Variants in GUCY1A2 observed in about 807,000 individuals in gnomAD.
GUCY1A2 encodes the protein guanylate cyclase soluble subunit alpha-2.
GUCY1A2 carries 27 observed loss-of-function variants against 63.5 expected under a neutral mutation model. The ratio of observed to expected loss-of-function variants is 0.43; its 90% CI spans 0.31 to 0.59. The LOEUF (loss-of-function observed/expected upper bound fraction) is 0.59. Ranked by LOEUF, GUCY1A2 falls within the 20% of genes least tolerant of loss-of-function variation. The pLI is 0.11. For missense variants in GUCY1A2, 768 were observed against 913.3 expected (o/e 0.84, Z 2.05); for synonymous variants, 364 against 343.5 (o/e 1.06, Z -0.66).
At chr11:106,741,349 G>A (rs1017329730) in intron 6 of GUCY1A2, among the ~76,000 whole-genome samples, 9 of 152,168 alleles carry the variant, frequency 5.9e-5, no homozygotes, top group Non-Finnish European at 1.3e-4. Flanking sequence ...CATGTGGCTA[G>A]TGGCTACCAT....
At chr11:106,973,750 C>T (rs1378060797) in intron 3 of GUCY1A2, among the ~76,000 whole-genome samples, 1 of 152,048 alleles carries the variant, frequency 6.6e-6, no homozygotes. Context: ...AGTTAGTTAA[C>T]CTTGCAAAGT....
At chr11:106,812,664 TATTA>T (rs199561530) in intron 4 of GUCY1A2, among the ~76,000 whole-genome samples, 1,952 of 152,066 alleles carry the variant, frequency 0.013, 25 homozygotes, top group South Asian at 0.048. Context: ...GCATTTTAAA[TATTA>T]ATTTATAAAA....
At chr11:106,996,079 C>T (rs1861530807) in intron 1 of GUCY1A2, among the ~76,000 whole-genome samples, 2 of 152,172 alleles carry the variant, frequency 1.3e-5, no homozygotes, top group African/African-American at 4.8e-5. Flanking sequence ...AATGCACTAA[C>T]TCGAACAGTA....
At chr11:106,988,049 C>T (rs750146622) in intron 1 of GUCY1A2, among the ~76,000 whole-genome samples, 1 of 152,178 alleles carries the variant, frequency 6.6e-6, no homozygotes, top group Non-Finnish European at 1.5e-5. Flanking sequence ...CAGACTGGCA[C>T]AAATGTTTCT....
Position 107,018,041 on chromosome 11 carries a change from C to A in GUCY1A2, c.15G>T (p.Lys5Asn). 1 of 1,470,018 alleles carries A rather than the reference C, an allele frequency of 6.8e-7. No individual in the cohort carries two copies. Among genetic ancestry groups the A allele is most frequent in the Non-Finnish European group, 9.1e-7 (1 of 1,099,336 alleles). 91.1% of individuals were successfully genotyped at this position (1,470,018 alleles called of 1,614,324 possible). Residue 5 changes from lysine (K) to asparagine (N), a missense_variant, in exon 1 of 8, where the codon AAG (lysine) becomes AAT (asparagine). Physicochemically the swap from Lys to Asn is moderately conservative, Grantham distance 94. Coordinates refer to ENST00000526355, the MANE Select transcript of GUCY1A2 (RefSeq NM_000855.3). The stretch of plus-strand genomic sequence containing the variant: ...GGGAGCTGAAGGACTCGGACGAAAT[C>A]TTCCTTCGAGACATGCTGCCGGCGG... MSRRKISSESFSSLG... is the reference protein window; with the variant it reads MSRRNISSESFSSLG...
chr11:106,944,062 G>T (rs1050698542), intron 3 of GUCY1A2, among the ~76,000 whole-genome samples: 6 of 151,030 alleles, frequency 4.0e-5, no homozygotes, highest in African/African-American at 4.9e-5. Flanking sequence ...ACAAAAATTA[G>T]CAGGGCATGG....
At chr11:106,856,465 T>C (rs924516115) in intron 4 of GUCY1A2, among the ~76,000 whole-genome samples, 1 of 152,016 alleles carries the variant, frequency 6.6e-6, no homozygotes, top group Non-Finnish European at 1.5e-5. Context: ...GTTTTGGCAA[T>C]CTTATTTTCC....
chr11:106,687,203 AATAT>A lies in GUCY1A2; in HGVS notation c.*342_*345del. ...AAAACTGGCTCTCAAAAGTGGTACA[AATAT>A]ATAGGGAAAGATACTTGTATGTGTG... On this transcript the variant is annotated 3_prime_UTR_variant, in exon 8 of 8. Coordinates refer to ENST00000526355, the MANE Select transcript of GUCY1A2 (RefSeq NM_000855.3). The A allele has an allele frequency of 3.9e-6, 1 of 258,698 alleles. No homozygotes were observed. Among genetic ancestry groups the A allele is most frequent in the Non-Finnish European group, 7.5e-6 (1 of 134,174 alleles). The allele number at this position is 258,698 out of a possible 1,614,324, so 16.0% of individuals were successfully genotyped here. A position where few individuals can be genotyped will look rare whatever the true frequency, so the allele number is the denominator to read the frequency against.
At chr11:106,820,209 A>T (rs909569721) in intron 4 of GUCY1A2, among the ~76,000 whole-genome samples, 2 of 152,082 alleles carry the variant, frequency 1.3e-5, no homozygotes, top group Non-Finnish European at 2.9e-5. Context: ...AGGGCTATTT[A>T]TTTTTTAAAA....
intron 4 of GUCY1A2, among the ~76,000 whole-genome samples, chr11:106,888,191 G>T (rs1404829487): frequency 6.6e-6 from 1 of 152,058 alleles, no homozygotes; most frequent in Non-Finnish European, 1.5e-5. Flanking sequence ...GGGCACGGTG[G>T]CTCACGCCTG....
intron 2 of GUCY1A2, among the ~76,000 whole-genome samples, chr11:106,984,924 C>T (rs1861382345): frequency 6.6e-6 from 1 of 152,158 alleles, no homozygotes; most frequent in African/African-American, 2.4e-5. Context: ...CCTAGAACTA[C>T]ACTCTTGAGG....
intron 6 of GUCY1A2, among the ~76,000 whole-genome samples, chr11:106,764,338 C>T (rs552358940): frequency 1.5e-4 from 23 of 152,118 alleles, no homozygotes; most frequent in African/African-American, 5.5e-4. Context: ...TTAATACATT[C>T]CAGTTGTATT....
chr11:106,866,635 T>C (rs1409277220), intron 4 of GUCY1A2, among the ~76,000 whole-genome samples: 7 of 152,022 alleles, frequency 4.6e-5, no homozygotes, highest in African/African-American at 1.7e-4. Flanking sequence ...AATAATGACA[T>C]TTCTCCCTTA....
chr11:106,979,916 C>T (rs903734590), intron 2 of GUCY1A2, among the ~76,000 whole-genome samples: 10 of 151,860 alleles, frequency 6.6e-5, no homozygotes, highest in African/African-American at 2.4e-4. Context: ...GAAGAGAGTG[C>T]TATGGTACTT....
chr11:106,765,616 G>C (rs1864149154), intron 6 of GUCY1A2, among the ~76,000 whole-genome samples: 1 of 152,084 alleles, frequency 6.6e-6, no homozygotes, highest in Non-Finnish European at 1.5e-5. Flanking sequence ...CATGTGAGTT[G>C]AAACAGCAAG....
chr11:106,744,989 T>G (rs17565192), intron 6 of GUCY1A2, among the ~76,000 whole-genome samples: 35,938 of 152,022 alleles, frequency 0.24, 5,128 homozygotes, highest in Non-Finnish European at 0.31. Context: ...CTACTTTGTA[T>G]AAAATTATTT....
chr11:106,903,362 C>T (rs1428735190), intron 4 of GUCY1A2, among the ~76,000 whole-genome samples: 4 of 152,160 alleles, frequency 2.6e-5, no homozygotes, highest in Admixed American at 6.5e-5. Context: ...CTTTACTGAA[C>T]TATCTCTAGA....
chr11:106,811,239 G>C (rs1591286869), intron 4 of GUCY1A2, among the ~76,000 whole-genome samples: 1 of 152,180 alleles, frequency 6.6e-6, no homozygotes, highest in East Asian at 1.9e-4. Flanking sequence ...AGGGAACTGA[G>C]ATTTAATGGG....
chr11:106,678,242 T>C lies in GUCY1A2; in HGVS notation c.*9307A>G, dbSNP rs1219039236. 2 of 201,164 alleles carry C rather than the reference T, an allele frequency of 9.9e-6. No individual in the cohort carries two copies. Among genetic ancestry groups the C allele is most frequent in the Non-Finnish European group, 2.0e-5 (2 of 97,748 alleles). 12.5% of individuals were successfully genotyped at this position (201,164 alleles called of 1,614,324 possible). On this transcript the variant is annotated 3_prime_UTR_variant, in exon 8 of 8. Coordinates refer to ENST00000526355, the MANE Select transcript of GUCY1A2 (RefSeq NM_000855.3). ...ATTTCTTCTTTTTGAGAATACTTTG[T>C]AGTCAAAGAATACAAAAGCAATTTA... is the stretch of plus-strand genomic sequence containing the variant.
Sources: allele counts gnomAD v4.1 joint callset (sites outside exome capture counted in the v4.1 genomes callset), GRCh38; gene constraint gnomAD v4.1.1; transcripts MANE v1.5; gene names NCBI Gene and HGNC (gene_info 2026-07-23, HGNC 2026-07-21).